Variants in AP2B1 observed in about 807,000 individuals in gnomAD.
The protein encoded by AP2B1 is AP-2 complex subunit beta.
Under a neutral mutation model 102.0 loss-of-function variants are expected in AP2B1, and 23 were observed. The observed-to-expected ratio is 0.23, with a 90% CI of 0.16 to 0.32. The LOEUF (loss-of-function observed/expected upper bound fraction) is 0.32, where lower values mean the gene tolerates loss of function less well. Ranked by LOEUF, AP2B1 falls within the 10% of genes least tolerant of loss-of-function variation. The probability of loss-of-function intolerance (pLI) is 1.00; values close to 1 mark genes in which losing one functional copy is unlikely to be tolerated. For synonymous variants in AP2B1, 381 were observed against 421.2 expected (o/e 0.90, Z 1.17); for missense variants, 541 against 1,157.4 (o/e 0.47, Z 7.73).
intron 18 of AP2B1, among the ~76,000 whole-genome samples, chr17:35,706,135 A>C (rs2076336281): frequency 6.6e-6 from 1 of 152,126 alleles, no homozygotes; most frequent in Non-Finnish European, 1.5e-5. Flanking sequence ...GGTGTCCCAA[A>C]ACTCCTGAAA....
rs1164406061 is a variant in AP2B1 at position 35,723,618 on chromosome 17, C to T, written c.2782-7C>T. ...GCTAATCTTCCATCTCCTTTTTCTC[C>T]TAACAGCTGTCACTGAAGTGTAGAG... On this transcript the variant is annotated splice_polypyrimidine_tract_variant and splice_region_variant and intron_variant, in intron 21 of 21. Coordinates refer to ENST00000610402, the MANE Select transcript of AP2B1 (RefSeq NM_001030006.2). 2 of 1,601,288 alleles carry T rather than the reference C, an allele frequency of 1.2e-6. No homozygotes were observed. Among genetic ancestry groups the T allele is most frequent in the East Asian group, 2.2e-5 (1 of 44,816 alleles).
intron 10 of AP2B1, 22 bp downstream of exon 10, chr17:35,636,478 CCT>C (rs746171249): frequency 6.4e-7 from 1 of 1,566,834 alleles, no homozygotes; most frequent in African/African-American, 1.3e-5. Context: ...TACCTTTACC[CCT>C]CTTTCTCAAA....
chr17:35,726,371 C>T lies in AP2B1; in HGVS notation c.*2672C>T, dbSNP rs1379019203. 6.6e-6 allele frequency: 1 copy of T among 152,084 alleles called. No individual in the cohort carries two copies. The highest frequency in any genetic ancestry group is 1.5e-5 in the Non-Finnish European group (1 of 68,010). The allele number at this position is 152,084 out of a possible 1,614,324, so 9.4% of individuals were successfully genotyped here. ...TCGGGAGGGTGGGGGTTGGGGGAAGCTTGACCTTGTGTCTTCGTCAATAAA... is the reference window on the plus strand; with the variant it reads ...TCGGGAGGGTGGGGGTTGGGGGAAGTTTGACCTTGTGTCTTCGTCAATAAA... On this transcript the variant is annotated 3_prime_UTR_variant, in exon 22 of 22. Coordinates refer to ENST00000610402, the MANE Select transcript of AP2B1 (RefSeq NM_001030006.2).
chr17:35,601,789 T>C (rs1411832106), intron 3 of AP2B1, among the ~76,000 whole-genome samples: 3 of 152,044 alleles, frequency 2.0e-5, no homozygotes, highest in Non-Finnish European at 4.4e-5. Flanking sequence ...TTTTTTTTTT[T>C]TTTTTGAGAC....
chr17:35,605,642 T>G, intron 3 of AP2B1, 63 bp from the exon 4 acceptor site: 1 of 1,180,856 alleles, frequency 8.5e-7, no homozygotes, highest in Non-Finnish European at 1.2e-6. Flanking sequence ...ATTCATGTTC[T>G]GTCCAACAGC....
At chr17:35,596,519 C>CTTTT (rs35095177) in intron 2 of AP2B1, among the ~76,000 whole-genome samples, 70 of 143,540 alleles carry the variant, frequency 4.9e-4, no homozygotes, top group African/African-American at 1.7e-3. Context: ...CTATTTCTTT[C>CTTTT]TTTTTTTTTT....
In AP2B1 at chr17:35,639,538, T is replaced by G; in HGVS notation, c.1272-57T>G. 2.6e-6 allele frequency: 4 copies of G among 1,520,286 alleles called. 1 individual carries two copies. The South Asian group carries it at 5.2e-5, about 20-fold the overall frequency. The allele number at this position is 1,520,286 out of a possible 1,614,324, so 94.2% of individuals were successfully genotyped here. Reference sequence around the variant, plus strand: ...TTGTGGTTTTGCCTTTAGCCTTCACTGTTAAATTAGTTCTTAGTTTTGCCC... The same window carrying G: ...TTGTGGTTTTGCCTTTAGCCTTCACGGTTAAATTAGTTCTTAGTTTTGCCC... On this transcript the variant is annotated intron_variant, in intron 10 of 21. Transcript: ENST00000610402.
In AP2B1 at chr17:35,723,663, C is replaced by T. The variant is rs782189840; in HGVS notation, c.2820C>T (p.Tyr940=). The change falls in exon 22 of 22, where the codon TAC becomes TAT. Residue 940 remains tyrosine (Y), a synonymous_variant. Transcript: ENST00000610402. ...GTAGAGCTCCTGAAGTCTCTCAATA[C>T]ATCTATCAGGTCTACGACAGCATTT... is the stretch of plus-strand genomic sequence containing the variant. The part of the protein sequence containing the change: ...LKCRAPEVSQ[Y]IYQVYDSILK... 6.2e-7 allele frequency: 1 copy of T among 1,603,134 alleles called. No individual in the cohort carries two copies. The highest frequency in any genetic ancestry group is 8.5e-7 in the Non-Finnish European group (1 of 1,174,194).
At chr17:35,691,769 G>A (rs1191153812) in intron 18 of AP2B1, among the ~76,000 whole-genome samples, 1 of 152,186 alleles carries the variant, frequency 6.6e-6, no homozygotes, top group Non-Finnish European at 1.5e-5. Flanking sequence ...AGGTACTGGA[G>A]TCTTCATTAT....
chr17:35,709,282 T>A lies in AP2B1; in HGVS notation c.2513T>A (p.Val838Glu). The A allele has an allele frequency of 6.2e-7, 1 of 1,614,142 alleles. No homozygotes were observed. ...FYFSCLIPLN[V>E]LFVEDGKMER... is the part of the protein sequence containing the mutation. ...TTCAGCTGCCTCATCCCACTCAATG[T>A]GCTTTTTGTAGAAGATGGCAAAATG... The change falls in exon 19 of 22, where the codon GTG becomes GAG. Residue 838 changes from valine to glutamate, a missense_variant. Physicochemically the swap from Val to Glu is moderately radical, Grantham distance 121. Around this residue, in one of 10 missense-constraint regions of AP2B1, gnomAD observed 117 missense variants for 206.7 expected, o/e 0.57. Transcript: ENST00000610402.
At chr17:35,607,568 A>T (rs1266147842) in intron 4 of AP2B1, among the ~76,000 whole-genome samples, 1 of 152,198 alleles carries the variant, frequency 6.6e-6, no homozygotes, top group Non-Finnish European at 1.5e-5. Context: ...TATATTTGGA[A>T]GCACTTGCTA....
chr17:35,720,363 A>T, intron 21 of AP2B1, among the ~76,000 whole-genome samples: 1 of 151,520 alleles, frequency 6.6e-6, no homozygotes, highest in East Asian at 1.9e-4. Context: ...TTGTTCCTAA[A>T]CCAGAAGAGA....
chr17:35,625,426 A>G (rs2074288051), intron 6 of AP2B1, among the ~76,000 whole-genome samples: 1 of 152,146 alleles, frequency 6.6e-6, no homozygotes, highest in Non-Finnish European at 1.5e-5. Context: ...CCATCACTGA[A>G]AGTACAAATA....
chr17:35,608,532 A>G lies in AP2B1; in HGVS notation c.525+145A>G, dbSNP rs977161885. The stretch of plus-strand genomic sequence containing the variant: ...ACTTTGTGTGTCTCACAGATTGTAT[A>G]TTTCATATCCTAGGTGTTTTTGAGG... On this transcript the variant is annotated intron_variant, in intron 5 of 21. Coordinates refer to ENST00000610402, the MANE Select transcript of AP2B1 (RefSeq NM_001030006.2). The G allele has an allele frequency of 4.8e-6, 5 of 1,034,328 alleles. No homozygotes were observed. In the African/African-American group the frequency reaches 6.4e-5, roughly 13 times the overall value. 64.1% of individuals were successfully genotyped at this position (1,034,328 alleles called of 1,614,324 possible).
intron 14 of AP2B1, among the ~76,000 whole-genome samples, chr17:35,666,685 C>T (rs1167134876): frequency 3.3e-5 from 5 of 152,126 alleles, no homozygotes. Context: ...AGGATCAAAG[C>T]CATACCCTGC....
intron 1 of AP2B1, 121 bp from the exon 2 acceptor site, chr17:35,593,887 T>C: frequency 1.9e-6 from 1 of 526,880 alleles, no homozygotes; most frequent in South Asian, 3.3e-5. Context: ...AAGATGATAC[T>C]CATTTTTAGA....
At chr17:35,659,886 T>C in intron 14 of AP2B1, 1 of 985,388 alleles carries the variant, frequency 1.0e-6, no homozygotes, top group African/African-American at 1.7e-5. Context: ...TGTGGTTAAA[T>C]ATATATTCAC....
At chr17:35,620,760 T>C (rs2074152707) in intron 5 of AP2B1, among the ~76,000 whole-genome samples, 1 of 152,040 alleles carries the variant, frequency 6.6e-6, no homozygotes, top group African/African-American at 2.4e-5. Flanking sequence ...GAGATTACAG[T>C]GAGCTGTGAT....
intron 4 of AP2B1, among the ~76,000 whole-genome samples, chr17:35,607,300 T>TTTATTTAA (rs1321752146): frequency 6.6e-6 from 1 of 152,232 alleles, no homozygotes; most frequent in African/African-American, 2.4e-5. Context: ...CTATTTAAAA[T>TTTATTTAA]GTTTTGAAAA....
Sources: gnomAD v4.1 joint callset for allele counts (sites outside exome capture counted in the v4.1 genomes callset) on GRCh38, gnomAD v4.1.1 for gene constraint, gnomAD v4.1.1 regional missense constraint, MANE v1.5 for transcripts, NCBI Gene and HGNC (gene_info 2026-07-23, HGNC 2026-07-21) for gene names.